RAP1GDS1: variants seen among roughly 807,000 people sequenced by gnomAD.
RAP1GDS1 encodes the protein RAP1, GTP-GDP dissociation stimulator 1.
A neutral mutation model predicts 71.1 loss-of-function variants in RAP1GDS1; 35 were observed. That is an observed-to-expected ratio of 0.49 (90% CI 0.38 to 0.65). The LOEUF is 0.65. Among genes scored for constraint, RAP1GDS1 ranks in the 30% least tolerant of loss-of-function variants. The pLI is 0.00. For missense variants in RAP1GDS1, 663 were observed against 706.1 expected, an observed-to-expected ratio of 0.94 and a Z score of 0.69; for synonymous variants, 229 against 243.1, an observed-to-expected ratio of 0.94 and a Z score of 0.54.
chr4:98,275,670 T>C (rs1477906321), intron 1 of RAP1GDS1, among the ~76,000 whole-genome samples: 1 of 152,208 alleles, frequency 6.6e-6, no homozygotes, highest in Non-Finnish European at 1.5e-5. Flanking sequence ...ATTCTTGCTA[T>C]AGAGTAGTGC....
intron 2 of RAP1GDS1, among the ~76,000 whole-genome samples, chr4:98,306,689 A>C (rs185377586): frequency 6.6e-6 from 1 of 152,336 alleles, no homozygotes; most frequent in African/African-American, 2.4e-5. Flanking sequence ...AAATAGCTTT[A>C]AGTAATAAAT....
intron 4 of RAP1GDS1, among the ~76,000 whole-genome samples, chr4:98,374,793 G>A (rs1421654744): frequency 1.3e-5 from 2 of 152,198 alleles, no homozygotes; most frequent in African/African-American, 4.8e-5. Context: ...ACTTTCCTTA[G>A]TGTTCTTGCT....
At chr4:98,298,921 A>T (rs543458647) in intron 2 of RAP1GDS1, among the ~76,000 whole-genome samples, 2 of 152,034 alleles carry the variant, frequency 1.3e-5, no homozygotes, top group East Asian at 3.9e-4. Flanking sequence ...CTTTTTTTTT[A>T]TTATACTTTA....
chr4:98,295,789 A>G (rs899674783), intron 2 of RAP1GDS1, among the ~76,000 whole-genome samples: 2 of 152,072 alleles, frequency 1.3e-5, no homozygotes, highest in East Asian at 3.8e-4. Context: ...AATTTTTATT[A>G]AAGTGGATAA....
At chr4:98,402,564 T>C (rs1165163401) in intron 6 of RAP1GDS1, among the ~76,000 whole-genome samples, 1 of 152,170 alleles carries the variant, frequency 6.6e-6, no homozygotes. Flanking sequence ...TTGGAGTGGA[T>C]TTTTGTCATT....
chr4:98,376,701 A>T (rs1231889450), intron 4 of RAP1GDS1, among the ~76,000 whole-genome samples: 5 of 152,032 alleles, frequency 3.3e-5, no homozygotes, highest in Non-Finnish European at 7.4e-5. Context: ...TTGAACCCAG[A>T]TCACTATTAT....
At chr4:98,406,116 C>A (rs574024760) in intron 7 of RAP1GDS1, among the ~76,000 whole-genome samples, 1 of 151,736 alleles carries the variant, frequency 6.6e-6, no homozygotes, top group East Asian at 1.9e-4. Flanking sequence ...TTTTTTAATA[C>A]CCTAGTAATG....
chr4:98,353,316 A>G (rs1026616969), intron 4 of RAP1GDS1, among the ~76,000 whole-genome samples: 1 of 152,174 alleles, frequency 6.6e-6, no homozygotes, highest in African/African-American at 2.4e-5. Context: ...GTATTTTATC[A>G]TTCACCTGTA....
At chr4:98,321,771 G>A (rs1426950403) in intron 2 of RAP1GDS1, among the ~76,000 whole-genome samples, 9 of 123,716 alleles carry the variant, frequency 7.3e-5, no homozygotes, top group South Asian at 6.3e-4. Flanking sequence ...TGAAGGAAGC[G>A]CTAAACATGG....
At chr4:98,353,056 AT>A (rs977950888) in intron 4 of RAP1GDS1, among the ~76,000 whole-genome samples, 4 of 152,146 alleles carry the variant, frequency 2.6e-5, no homozygotes, top group African/African-American at 9.7e-5. Flanking sequence ...AGATTGGCCC[AT>A]TACATTTGCA....
At chr4:98,381,107 G>C (rs1429737989) in intron 5 of RAP1GDS1, among the ~76,000 whole-genome samples, 1 of 151,594 alleles carries the variant, frequency 6.6e-6, no homozygotes, top group African/African-American at 2.4e-5. Flanking sequence ...TGAAGAGTAG[G>C]CTTTTTTCTA....
intron 14 of RAP1GDS1, among the ~76,000 whole-genome samples, chr4:98,438,713 C>T (rs1440856798): frequency 1.3e-5 from 2 of 151,114 alleles, no homozygotes; most frequent in Non-Finnish European, 2.9e-5. Flanking sequence ...ATGCCTCAGC[C>T]TCCCGAGTAG....
At chr4:98,380,445 A>G (rs909642497) in intron 5 of RAP1GDS1, among the ~76,000 whole-genome samples, 12 of 151,792 alleles carry the variant, frequency 7.9e-5, no homozygotes, top group African/African-American at 2.7e-4. Flanking sequence ...TTGAATTAAG[A>G]TAATAGAGTT....
intron 6 of RAP1GDS1, among the ~76,000 whole-genome samples, chr4:98,401,882 G>T (rs560776323): frequency 4.6e-5 from 7 of 152,202 alleles, no homozygotes; most frequent in African/African-American, 1.4e-4. Flanking sequence ...AAAGAATGTG[G>T]ATTGGAAGGA....
intron 2 of RAP1GDS1, among the ~76,000 whole-genome samples, chr4:98,329,600 C>T (rs1414831001): frequency 6.6e-6 from 1 of 151,868 alleles, no homozygotes; most frequent in Admixed American, 6.6e-5. Flanking sequence ...CCAGCCTGGC[C>T]AACATAGTGA....
chr4:98,344,499 A>G (rs1010727722), intron 3 of RAP1GDS1, among the ~76,000 whole-genome samples: 2 of 152,126 alleles, frequency 1.3e-5, no homozygotes, highest in African/African-American at 2.4e-5. Flanking sequence ...GAAATTTTGG[A>G]TAACAGATTT....
chr4:98,435,280 A>G (rs1229953678), intron 13 of RAP1GDS1, among the ~76,000 whole-genome samples: 2 of 152,174 alleles, frequency 1.3e-5, no homozygotes, highest in Non-Finnish European at 2.9e-5. Context: ...TTTTATGTGC[A>G]TAGTGTGTAA....
At chr4:98,335,870 T>A (rs1397378439) in intron 2 of RAP1GDS1, among the ~76,000 whole-genome samples, 3 of 151,944 alleles carry the variant, frequency 2.0e-5, no homozygotes, top group Non-Finnish European at 4.4e-5. Context: ...ATATCATACT[T>A]GTATAAAGTA....
intron 3 of RAP1GDS1, among the ~76,000 whole-genome samples, chr4:98,346,459 CT>C (rs1736278107): frequency 2.0e-5 from 3 of 152,010 alleles, no homozygotes; most frequent in Admixed American, 2.0e-4. Context: ...AAAGTTGAGA[CT>C]CCAGAAAAAT....
Sources: allele counts gnomAD v4.1 joint callset (sites outside exome capture counted in the v4.1 genomes callset), GRCh38; gene constraint gnomAD v4.1.1; transcripts MANE v1.5; gene names NCBI Gene and HGNC (gene_info 2026-07-23, HGNC 2026-07-21).